ADGRV1: variants seen among roughly 807,000 people sequenced by gnomAD.
ADGRV1 encodes the protein G-protein coupled receptor 98.
Under a neutral mutation model 596.2 loss-of-function variants are expected in ADGRV1, and 359 were observed. That is an observed-to-expected ratio of 0.60 (90% CI 0.55 to 0.66). ADGRV1 has a LOEUF of 0.66. Among genes scored for constraint, ADGRV1 ranks in the 30% least tolerant of loss-of-function variants. The probability of loss-of-function intolerance (pLI) is 0.00; values close to 1 mark genes in which losing one functional copy is unlikely to be tolerated. For missense variants in ADGRV1, 7,274 were observed against 7,575.6 expected, an observed-to-expected ratio of 0.96 and a Z score of 1.48; for synonymous variants, 2,681 against 2,679.2, an observed-to-expected ratio of 1.00 and a Z score of -0.02.
Position 90,840,866 on chromosome 5 carries a change from C to A in ADGRV1, c.16900C>A (p.Gln5634Lys). Residue 5634 changes from glutamine to lysine, a missense_variant, in exon 78 of 90, where the codon CAG becomes AAG. Gln to Lys is a moderately conservative substitution (Grantham distance 53, BLOSUM62 1). Transcript: ENST00000405460. The part of the protein sequence containing the change: ...DSQAIWGLAD[Q>K]LHQPVNDDIL... ...GCAGGCCATTTGGGGGCTTGCAGAT[C>A]AGCTACATCAGCCTGTGAATGATGA... 6.2e-7 allele frequency: 1 copy of A among 1,609,816 alleles called. No homozygotes were observed. Among genetic ancestry groups the A allele is most frequent in the Non-Finnish European group, 8.5e-7 (1 of 1,177,188 alleles).
In ADGRV1 at chr5:90,964,727, CAA is replaced by C. The variant is rs60760571; in HGVS notation, c.17857-674_17857-673del. Among the ~76,000 whole-genome samples, 576 of 121,386 alleles carry C rather than the reference CAA, an allele frequency of 4.7e-3. 5 individuals carry two copies. Among genetic ancestry groups the C allele is most frequent in the African/African-American group, 0.015 (502 of 34,502 alleles). The allele number at this position is 121,386 out of a possible 152,430, so 79.6% of individuals were successfully genotyped here. A position where few individuals can be genotyped will look rare whatever the true frequency, so the allele number is the denominator to read the frequency against. On this transcript the variant is annotated intron_variant, in intron 83 of 89. Transcript: ENST00000405460. Reference sequence around the variant, plus strand: ...TATTCTAGGAGGTGAGACTAATAGCCAAAAAAAAAAAAAAATGCAAATTACAA... The same window carrying C: ...TATTCTAGGAGGTGAGACTAATAGCCAAAAAAAAAAAAATGCAAATTACAA...
rs1405175256 is a variant in ADGRV1, at chr5:90,750,609, T to C, written c.11033T>C (p.Val3678Ala). 2.5e-6 allele frequency: 4 copies of C among 1,612,524 alleles called. No individual in the cohort carries two copies. The highest frequency in any genetic ancestry group is 3.3e-5 in the Admixed American group (2 of 59,986). The change falls in exon 53 of 90, where the codon GTT (valine) becomes GCT (alanine). Residue 3678 changes from valine to alanine, a missense_variant. This residue lies in a region of ADGRV1 where 3,643 missense variants were observed against 3,809.2 expected (regional missense o/e 0.96). Coordinates refer to ENST00000405460, the MANE Select transcript of ADGRV1 (RefSeq NM_032119.4). ...CAAGATAGCCTAGTAACCTTGAACG[T>C]TGAACGCTTAAAAGGAACATATGGC... is the stretch of plus-strand genomic sequence containing the variant. ...MEQDSLVTLN[V>A]ERLKGTYGRI...
At chr5:90,641,784 T>A (rs1767004452) in intron 11 of ADGRV1, among the ~76,000 whole-genome samples, 1 of 152,186 alleles carries the variant, frequency 6.6e-6, no homozygotes, top group Non-Finnish European at 1.5e-5. Context: ...TTTCGCAAGG[T>A]TTAGAGCAGC....
At chr5:91,105,642 AT>A in intron 87 of ADGRV1, among the ~76,000 whole-genome samples, 1 of 152,196 alleles carries the variant, frequency 6.6e-6, no homozygotes, top group East Asian at 1.9e-4. Context: ...TGTTCAGATC[AT>A]TTGCCTGTTT....
chr5:90,843,851 C>T (rs1465728109), intron 78 of ADGRV1, among the ~76,000 whole-genome samples: 2 of 152,032 alleles, frequency 1.3e-5, no homozygotes, highest in Non-Finnish European at 2.9e-5. Context: ...TAAATGAATG[C>T]ATGAAATGTA....
In ADGRV1 at chr5:90,926,285, T is replaced by C. The variant is rs956973270; in HGVS notation, c.17857-39130T>C. Reference sequence around the variant, plus strand: ...CCTGGACTCTTTTTGGTTGGTAAACTATTGATTATTGCCACAATTTCAGCT... The same window carrying C: ...CCTGGACTCTTTTTGGTTGGTAAACCATTGATTATTGCCACAATTTCAGCT... On this transcript the variant is annotated intron_variant, in intron 83 of 89. Transcript: ENST00000405460. Among the ~76,000 whole-genome samples the C allele has an allele frequency of 8.5e-5, 13 of 152,146 alleles. No individual in the cohort carries two copies. In the East Asian group the frequency reaches 1.4e-3, roughly 16 times the overall value.
At chr5:91,115,742 C>T (rs1207979020) in intron 87 of ADGRV1, among the ~76,000 whole-genome samples, 1 of 152,060 alleles carries the variant, frequency 6.6e-6, no homozygotes, top group Non-Finnish European at 1.5e-5. Flanking sequence ...AGGTCAGGAG[C>T]TCGAGGCCAG....
intron 88 of ADGRV1, among the ~76,000 whole-genome samples, chr5:91,152,561 G>C (rs1481118789): frequency 6.6e-6 from 1 of 152,166 alleles, no homozygotes; most frequent in Non-Finnish European, 1.5e-5. Context: ...AATTCAAATA[G>C]AGACATGGTT....
intron 78 of ADGRV1, among the ~76,000 whole-genome samples, chr5:90,845,714 A>G (rs552723500): frequency 7.2e-5 from 11 of 152,166 alleles, no homozygotes; most frequent in East Asian, 5.8e-4. Context: ...TTTAGACATG[A>G]ATATTCTTCA....
intron 6 of ADGRV1, among the ~76,000 whole-genome samples, chr5:90,626,815 T>C (rs1465780857): frequency 6.6e-6 from 1 of 152,208 alleles, no homozygotes; most frequent in Non-Finnish European, 1.5e-5. Flanking sequence ...TATGTAATGT[T>C]TAACGTACTT....
intron 4 of ADGRV1, among the ~76,000 whole-genome samples, chr5:90,621,138 T>C (rs2152062684): frequency 6.6e-6 from 1 of 152,284 alleles, no homozygotes; most frequent in East Asian, 1.9e-4. Flanking sequence ...CTGAATCTGG[T>C]CGCTAAATTT....
chr5:90,931,482 C>G (rs536283337), intron 83 of ADGRV1, among the ~76,000 whole-genome samples: 118 of 152,236 alleles, frequency 7.8e-4, no homozygotes, highest in African/African-American at 2.5e-3. Flanking sequence ...TTCAGTTCTC[C>G]TAGTGATGCC....
intron 87 of ADGRV1, among the ~76,000 whole-genome samples, chr5:91,106,673 A>G (rs1475854281): frequency 1.3e-5 from 2 of 152,218 alleles, no homozygotes; most frequent in Non-Finnish European, 2.9e-5. Context: ...TGACAGAGGA[A>G]CATCACTTAG....
At chr5:91,141,637 A>G (rs1476388181) in intron 87 of ADGRV1, among the ~76,000 whole-genome samples, 1 of 152,228 alleles carries the variant, frequency 6.6e-6, no homozygotes, top group African/African-American at 2.4e-5. Flanking sequence ...TACTCTTCAC[A>G]TACCTGAAAA....
At chr5:90,801,573 G>A (rs1004367379) in intron 70 of ADGRV1, among the ~76,000 whole-genome samples, 1 of 151,620 alleles carries the variant, frequency 6.6e-6, no homozygotes, top group Non-Finnish European at 1.5e-5. Context: ...CATGTTCAGT[G>A]AATGTCATTT....
Position 91,050,265 on chromosome 5 carries a change from G to A in ADGRV1, c.18153-22182G>A, listed in dbSNP as rs148006432. 6.4e-4 allele frequency among the ~76,000 whole-genome samples: 97 copies of A among 152,220 alleles called. 2 individuals are homozygous for A. The East Asian group carries it at 9.3e-3, about 15-fold the overall frequency. On this transcript the variant is annotated intron_variant, in intron 85 of 89. Transcript: ENST00000405460. ...ATATTAATTCAGTATATCTTTTCCC[G>A]TTGTTCTGAAAGAGACATCAGCGGT... is the stretch of plus-strand genomic sequence containing the variant.
At chr5:90,857,063 T>G (rs995237867) in intron 82 of ADGRV1, among the ~76,000 whole-genome samples, 1 of 152,080 alleles carries the variant, frequency 6.6e-6, no homozygotes, top group Non-Finnish European at 1.5e-5. Flanking sequence ...TAAATTTTCT[T>G]TAATGTATTT....
At chr5:91,028,609 TC>T in intron 85 of ADGRV1, among the ~76,000 whole-genome samples, 1 of 152,096 alleles carries the variant, frequency 6.6e-6, no homozygotes, top group African/African-American at 2.4e-5. Flanking sequence ...TATCTTGCCC[TC>T]CTCCAGTTTA....
intron 86 of ADGRV1, chr5:91,091,582 T>C (rs987318674): frequency 1.3e-5 from 2 of 152,062 alleles, no homozygotes; most frequent in African/African-American, 2.4e-5. Flanking sequence ...AATAAACAAC[T>C]ATGTAAATTG....
Sources: gnomAD v4.1 joint callset for allele counts (sites outside exome capture counted in the v4.1 genomes callset) on GRCh38, gnomAD v4.1.1 for gene constraint, gnomAD v4.1.1 regional missense constraint, MANE v1.5 for transcripts, NCBI Gene and HGNC (gene_info 2026-07-23, HGNC 2026-07-21) for gene names.